ZNF334: variants seen among roughly 807,000 people sequenced by gnomAD.
The protein encoded by ZNF334 is zinc finger protein 334.
A neutral mutation model predicts 12.4 loss-of-function variants in ZNF334; 14 were observed. The observed-to-expected ratio is 1.13, with a 90% CI of 0.74 to 1.76. ZNF334 has a LOEUF of 1.76. Ranked by LOEUF, ZNF334 falls within the 40% of genes most tolerant of loss-of-function variation. The probability of loss-of-function intolerance (pLI) is 0.00; values close to 1 mark genes in which losing one functional copy is unlikely to be tolerated. For synonymous variants in ZNF334, 273 were observed against 269.6 expected, an observed-to-expected ratio of 1.01 and a Z score of -0.12; for missense variants, 797 against 804.5, an observed-to-expected ratio of 0.99 and a Z score of 0.11.
At position 46,502,655 on chromosome 20, in the gene ZNF334, C is replaced by A; in HGVS notation, c.684G>T (p.Lys228Asn). 2 of 1,612,634 alleles carry A rather than the reference C, an allele frequency of 1.2e-6. No homozygotes were observed. Among genetic ancestry groups the A allele is most frequent in the Admixed American group, 1.7e-5 (1 of 60,024 alleles). Residue 228 changes from lysine to asparagine, a missense_variant, in exon 5 of 5, where the codon AAG (lysine) becomes AAT (asparagine). Transcript: ENST00000692313. The stretch of plus-strand genomic sequence containing the variant: ...TTGGTTTCCTTTCAGTCTGTCTCCC[C>A]TTTTGTGTAATGAGAATTGCCCTCT... ...FFKRAILITQKGRQTERKPNE... is the reference protein window; with the variant it reads ...FFKRAILITQNGRQTERKPNE...
At chr20:46,481,230 C>T in the ZNF334 span, 1 of 152,292 alleles carries the variant, frequency 6.6e-6, no homozygotes, top group Non-Finnish European at 1.5e-5. Context: ...GGGCTAAAGA[C>T]ATTTTGCATT....
At chr20:46,503,237 A>T in intron 4 of ZNF334, 140 bp from the exon 5 acceptor site, 1 of 1,029,410 alleles carries the variant, frequency 9.7e-7, no homozygotes, top group Non-Finnish European at 1.3e-6. Context: ...TCAAGTGCAA[A>T]TATCTCTTAC....
Position 46,512,067 on chromosome 20 carries a change from C to A in ZNF334, c.21+15G>T. ...TCACTGTATAATGTGAGAAGTAAAT[C>A]CCTGAGCAACTTACCTGAAATTTTT... is the stretch of plus-strand genomic sequence containing the variant. On this transcript the variant is annotated intron_variant, in intron 2 of 4. Coordinates refer to ENST00000692313, the MANE Select transcript of ZNF334 (RefSeq NM_001353824.2). 6.2e-7 allele frequency: 1 copy of A among 1,613,346 alleles called. No individual in the cohort carries two copies. The highest frequency in any genetic ancestry group is 1.1e-5 in the South Asian group (1 of 91,026).
chr20:46,501,025 T>G lies in ZNF334; in HGVS notation c.*271A>C. ...ACAATTTAACTTAAACAATGTTTGT[T>G]TCATTATTTTAAAAGGGAGGCACAT... On this transcript the variant is annotated 3_prime_UTR_variant, in exon 5 of 5. Transcript: ENST00000692313. 2.7e-6 allele frequency: 1 copy of G among 370,628 alleles called. No individual in the cohort carries two copies. The highest frequency in any genetic ancestry group is 4.8e-6 in the Non-Finnish European group (1 of 206,480). The allele number at this position is 370,628 out of a possible 1,614,324, so 23.0% of individuals were successfully genotyped here.
Position 46,502,057 on chromosome 20 carries a change from T to C in ZNF334, c.1282A>G (p.Thr428Ala), listed in dbSNP as rs780290513. Residue 428 changes from threonine to alanine, a missense_variant, in exon 5 of 5, where the codon ACA becomes GCA. Coordinates refer to ENST00000692313, the MANE Select transcript of ZNF334 (RefSeq NM_001353824.2). The stretch of plus-strand genomic sequence containing the variant: ...CTGCATTCATAGGGCTTCTCTCCTG[T>C]ATGACTTCTTCGATGCACATTGAGG... ...SALNVHRRSH[T>A]GEKPYECSQC... 1 of 1,614,106 alleles carries C rather than the reference T, an allele frequency of 6.2e-7. No individual in the cohort carries two copies. The highest frequency in any genetic ancestry group is 1.3e-5 in the African/African-American group (1 of 74,948).
the ZNF334 span, among the ~76,000 whole-genome samples, chr20:46,489,649 CAAA>C: frequency 7.4e-3 from 667 of 90,732 alleles, 6 homozygotes; most frequent in African/African-American, 0.025. Context: ...CAGACTCTCT[CAAA>C]AAAAAAAAAA....
At chr20:46,464,886 T>C in the ZNF334 span, 9 of 529,836 alleles carry the variant, frequency 1.7e-5, no homozygotes, top group Admixed American at 4.0e-5. Context: ...GGTCCAACTA[T>C]GAATGAGAGA....
At chr20:46,497,702 C>T (rs2061046900), downstream of ZNF334, among the ~76,000 whole-genome samples, 1 of 152,238 alleles carries the variant, frequency 6.6e-6, no homozygotes, top group Admixed American at 6.5e-5. Context: ...ATAAAATAAT[C>T]TGGCAAAACT....
chr20:46,464,260 T>C, the ZNF334 span: 2 of 549,212 alleles, frequency 3.6e-6, no homozygotes, highest in Admixed American at 4.0e-5. Context: ...CTGGATGAGT[T>C]TCTGCTTCTC....
At chr20:46,496,940 C>T (rs1391155821), downstream of ZNF334, among the ~76,000 whole-genome samples, 1 of 152,316 alleles carries the variant, frequency 6.6e-6, no homozygotes, top group Admixed American at 6.5e-5. Flanking sequence ...TTCACTTTCA[C>T]TACTTGCTTG....
chr20:46,470,001 T>C, the ZNF334 span, among the ~76,000 whole-genome samples: 6 of 152,106 alleles, frequency 3.9e-5, no homozygotes, highest in Non-Finnish European at 7.4e-5. Context: ...ACCCTTAAAA[T>C]AGGGACAAGA....
chr20:46,462,810 T>A, the ZNF334 span, among the ~76,000 whole-genome samples: 1 of 152,240 alleles, frequency 6.6e-6, no homozygotes, highest in Non-Finnish European at 1.5e-5. Context: ...AGGCTAAGAA[T>A]ACTGCATCTA....
chr20:46,476,342 G>T, the ZNF334 span: 1 of 152,192 alleles, frequency 6.6e-6, no homozygotes, highest in African/African-American at 2.4e-5. Flanking sequence ...CATGACAATG[G>T]TGGTGAATAC....
intron 2 of ZNF334, chr20:46,509,632 T>A: frequency 1.4e-6 from 1 of 703,032 alleles, no homozygotes; most frequent in East Asian, 2.7e-5. Flanking sequence ...TTTCCCTTCA[T>A]TCAAGGTTCA....
chr20:46,468,279 A>ATT, the ZNF334 span, among the ~76,000 whole-genome samples: 879 of 144,388 alleles, frequency 6.1e-3, 12 homozygotes, highest in African/African-American at 0.02. Flanking sequence ...TTACACCCAC[A>ATT]TTTTTTTTTT....
the ZNF334 span, chr20:46,464,116 G>T: frequency 1.7e-6 from 1 of 579,480 alleles, no homozygotes; most frequent in Non-Finnish European, 3.4e-6. Flanking sequence ...GTATCTGTTT[G>T]CCTGTCTCTG....
intron 2 of ZNF334, chr20:46,506,617 TCAAAAAAA>T (rs1276931206): frequency 6.0e-6 from 2 of 331,744 alleles, no homozygotes; most frequent in Non-Finnish European, 1.1e-5. Context: ...AGACCTCATC[TCAAAAAAA>T]CAAAAAAACC....
chr20:46,496,485 G>GA (rs1339204828), downstream of ZNF334, among the ~76,000 whole-genome samples: 1 of 152,202 alleles, frequency 6.6e-6, no homozygotes, highest in Non-Finnish European at 1.5e-5. Flanking sequence ...ACCAACAAGG[G>GA]ATTTACCATC....
chr20:46,503,478 A>T (rs953695040), intron 4 of ZNF334, among the ~76,000 whole-genome samples: 1 of 152,224 alleles, frequency 6.6e-6, no homozygotes, highest in Non-Finnish European at 1.5e-5. Context: ...AACAGACAAG[A>T]GTCAAGTAAG....
Sources: gnomAD v4.1 joint callset for allele counts (sites outside exome capture counted in the v4.1 genomes callset) on GRCh38, gnomAD v4.1.1 for gene constraint, MANE v1.5 for transcripts, NCBI Gene and HGNC (gene_info 2026-07-23, HGNC 2026-07-21) for gene names.